FAM120B: variants seen among roughly 807,000 people sequenced by gnomAD.
FAM120B encodes constitutive coactivator of peroxisome proliferator-activated receptor gamma.
In FAM120B, 83 loss-of-function variants were observed where a neutral mutation model predicts 96.3. The ratio of observed to expected loss-of-function variants is 0.86; its 90% CI spans 0.72 to 1.03. The LOEUF (loss-of-function observed/expected upper bound fraction) is 1.03. Ranked by LOEUF, FAM120B falls within the 50% of genes least tolerant of loss-of-function variation. The probability of loss-of-function intolerance (pLI) is 0.00; values close to 1 mark genes in which losing one functional copy is unlikely to be tolerated. For synonymous variants in FAM120B, 407 were observed against 402.7 expected, an observed-to-expected ratio of 1.01 and a Z score of -0.13; for missense variants, 1,027 against 1,121.2, an observed-to-expected ratio of 0.92 and a Z score of 1.20.
At chr6:170,339,362 AT>A (rs2115102292) in intron 4 of FAM120B, among the ~76,000 whole-genome samples, 1 of 152,042 alleles carries the variant, frequency 6.6e-6, no homozygotes, top group East Asian at 1.9e-4. Flanking sequence ...TGTTTTTGCC[AT>A]TTTTCCAGTT....
chr6:170,387,891 G>A (rs1790275628), intron 6 of FAM120B, among the ~76,000 whole-genome samples: 1 of 152,206 alleles, frequency 6.6e-6, no homozygotes, highest in African/African-American at 2.4e-5. Flanking sequence ...GCACCCAGAA[G>A]TGAATGATCA....
chr6:170,368,937 A>AC (rs1190813314), intron 6 of FAM120B, among the ~76,000 whole-genome samples: 2 of 90,176 alleles, frequency 2.2e-5, no homozygotes, highest in Non-Finnish European at 4.7e-5. Context: ...GGTGCCCCCC[A>AC]CCCCCCCACC....
chr6:170,332,302 C>T (rs1045195847), intron 4 of FAM120B, among the ~76,000 whole-genome samples: 2 of 152,146 alleles, frequency 1.3e-5, no homozygotes, highest in Admixed American at 6.5e-5. Flanking sequence ...AGTGCTTTTC[C>T]GTATCTATGA....
intron 3 of FAM120B, among the ~76,000 whole-genome samples, chr6:170,323,806 GAAAATGAGGAATTTT>G (rs1785437281): frequency 6.6e-6 from 1 of 152,162 alleles, no homozygotes; most frequent in African/African-American, 2.4e-5. Context: ...CCCAAATAGT[GAAAATGAGGAATTTT>G]AACCCCAAGG....
rs1289245645 is a variant in FAM120B, at chr6:170,317,665, T to C, written c.275T>C (p.Met92Thr). The change falls in exon 2 of 11, where the codon ATG becomes ACG. Residue 92 changes from methionine to threonine, a missense_variant. Physicochemically the swap from Met to Thr is moderately conservative, Grantham distance 81 (BLOSUM62 -1). Coordinates refer to ENST00000476287, the MANE Select transcript of FAM120B (RefSeq NM_032448.3). Reference sequence around the variant, plus strand: ...AAGTTGATATTCTTCTTTGATGGCATGGTGGAGCAGGATAAGAGAGATGAA... The same window carrying C: ...AAGTTGATATTCTTCTTTGATGGCACGGTGGAGCAGGATAAGAGAGATGAA... ...GIKLIFFFDG[M>T]VEQDKRDEWV... The C allele has an allele frequency of 2.5e-6, 4 of 1,614,174 alleles. No homozygotes were observed. The highest frequency in any genetic ancestry group is 2.2e-5 in the South Asian group (2 of 91,080).
In FAM120B at chr6:170,318,767, A is replaced by G. The variant is rs761760745; in HGVS notation, c.1377A>G (p.Gln459=). ...TGTATACAGGCTCTGAACCCAGGCA[A>G]GAAGTTCCCATGTATACAGGCCCTG... The part of the protein sequence containing the change: ...VPMYTGSEPR[Q]EVPMYTGPES... The change falls in exon 2 of 11, where the codon CAA becomes CAG. Residue 459 remains glutamine, a synonymous_variant. Transcript: ENST00000476287. The G allele has an allele frequency of 3.7e-6, 6 of 1,613,104 alleles. No homozygotes were observed. The East Asian group carries it at 6.7e-5, about 18-fold the overall frequency.
chr6:170,393,839 G>A (rs776544243), intron 8 of FAM120B, among the ~76,000 whole-genome samples: 4 of 152,194 alleles, frequency 2.6e-5, no homozygotes, highest in South Asian at 2.1e-4. Flanking sequence ...CTGTAGGGAC[G>A]TGGTAGGGCC....
At chr6:170,301,024 A>G (rs1454177893) in intron 1 of FAM120B, among the ~76,000 whole-genome samples, 1 of 152,176 alleles carries the variant, frequency 6.6e-6, no homozygotes, top group African/African-American at 2.4e-5. Flanking sequence ...TCACAGCTCC[A>G]TTAGGTGGTG....
chr6:170,383,102 G>GA (rs140590111), intron 6 of FAM120B, among the ~76,000 whole-genome samples: 17,813 of 108,344 alleles, frequency 0.16, 1,100 homozygotes, highest in East Asian at 0.21. Flanking sequence ...GCCAAAAAAA[G>GA]AAAAAAAAAA....
intron 6 of FAM120B, among the ~76,000 whole-genome samples, chr6:170,383,629 AAAAAT>A (rs1381187706): frequency 6.6e-6 from 1 of 152,224 alleles, no homozygotes; most frequent in Non-Finnish European, 1.5e-5. Context: ...AGCTAAAATT[AAAAAT>A]AAAATAGTGA....
chr6:170,359,898 AATGTTAATTTTAAGTTATCAGT>A (rs1788228335), intron 6 of FAM120B, among the ~76,000 whole-genome samples: 1 of 152,100 alleles, frequency 6.6e-6, no homozygotes, highest in Non-Finnish European at 1.5e-5. Flanking sequence ...AGAATTTTAA[AATGTTAATTTTAAGTTATCAGT>A]AGGTTAATGT....
At position 170,370,067 on chromosome 6, in the gene FAM120B, T is replaced by C. The variant is rs909434325; in HGVS notation, c.2283+11749T>C. Among the ~76,000 whole-genome samples the C allele has an allele frequency of 1.8e-4, 27 of 152,342 alleles. No individual in the cohort carries two copies. Among genetic ancestry groups the C allele is most frequent in the African/African-American group, 6.0e-4 (25 of 41,584 alleles). Reference sequence around the variant, plus strand: ...ACCTTTTTTGAATATAGCAATCTAATTTCTCTTTTAAACCCATTCTGTGAG... The same window carrying C: ...ACCTTTTTTGAATATAGCAATCTAACTTCTCTTTTAAACCCATTCTGTGAG... On this transcript the variant is annotated intron_variant, in intron 6 of 10. Transcript: ENST00000476287. This position sits in a 1 kb window ranked among gnomAD's most constrained non-coding sequence, Gnocchi z 4.3.
At chr6:170,393,075 G>A (rs1305302785) in intron 8 of FAM120B, among the ~76,000 whole-genome samples, 1 of 150,784 alleles carries the variant, frequency 6.6e-6, no homozygotes, top group Non-Finnish European at 1.5e-5. Context: ...ACTTTGGCAG[G>A]CTGAGGTGGG....
intron 6 of FAM120B, among the ~76,000 whole-genome samples, chr6:170,383,821 A>G (rs998435393): frequency 3.3e-5 from 5 of 151,912 alleles, no homozygotes; most frequent in Non-Finnish European, 7.4e-5. Flanking sequence ...AAACCTGTGC[A>G]TGAATATTCA....
intron 6 of FAM120B, among the ~76,000 whole-genome samples, chr6:170,361,196 GTGTA>G (rs372468521): frequency 2.7e-4 from 8 of 29,738 alleles, no homozygotes; most frequent in Admixed American, 3.4e-4. Flanking sequence ...ATATATATAC[GTGTA>G]TATATATATA....
At chr6:170,348,877 A>G (rs1287325761) in intron 5 of FAM120B, among the ~76,000 whole-genome samples, 1 of 152,194 alleles carries the variant, frequency 6.6e-6, no homozygotes, top group Non-Finnish European at 1.5e-5. Flanking sequence ...GGGCGATTTC[A>G]GGTGTCATAA....
chr6:170,318,856 C>G lies in FAM120B; in HGVS notation c.1466C>G (p.Thr489Arg). 1.9e-6 allele frequency: 3 copies of G among 1,614,208 alleles called. No homozygotes were observed. In the South Asian group the frequency reaches 3.3e-5, roughly 18 times the overall value. ...TCCAGGCAAGAAGTTTTAATACGGACAGACCCTGAATCTAGGCAAGAAATT... is the reference window on the plus strand; with the variant it reads ...TCCAGGCAAGAAGTTTTAATACGGAGAGACCCTGAATCTAGGCAAGAAATT... Reference protein sequence around the residue: ...PESRQEVLIRTDPESRQEIMC... With the variant: ...PESRQEVLIRRDPESRQEIMC... The change falls in exon 2 of 11, where the codon ACA (threonine) becomes AGA (arginine). Residue 489 changes from threonine to arginine, a missense_variant. This residue lies in a region of FAM120B where 880 missense variants were observed against 980.9 expected (regional missense o/e 0.90). Coordinates refer to ENST00000476287, the MANE Select transcript of FAM120B (RefSeq NM_032448.3).
intron 6 of FAM120B, among the ~76,000 whole-genome samples, chr6:170,377,787 C>T (rs1789643746): frequency 7.2e-6 from 1 of 138,218 alleles, no homozygotes. Flanking sequence ...GTCCCTAATC[C>T]CAGATGCCTG....
chr6:170,324,135 C>T (rs944045464), intron 3 of FAM120B, among the ~76,000 whole-genome samples: 4 of 152,078 alleles, frequency 2.6e-5, no homozygotes, highest in South Asian at 2.1e-4. Flanking sequence ...CAATATTAAC[C>T]GTACTCTGTT....
Sources: gnomAD v4.1 joint callset for allele counts (sites outside exome capture counted in the v4.1 genomes callset) on GRCh38, gnomAD v4.1.1 for gene constraint, gnomAD v4.1.1 regional missense constraint, Gnocchi (gnomAD v3.1) non-coding constraint, MANE v1.5 for transcripts, NCBI Gene and HGNC (gene_info 2026-07-23, HGNC 2026-07-21) for gene names.